Variants in GRTP1 observed in about 807,000 individuals in gnomAD.
GRTP1 encodes growth hormone regulated TBC protein 1, also known as growth hormone-regulated TBC protein 1.
Under a neutral mutation model 38.1 loss-of-function variants are expected in GRTP1, and 56 were observed. That is an observed-to-expected ratio of 1.47 (90% CI 1.19 to 1.84). The LOEUF (loss-of-function observed/expected upper bound fraction) is 1.84, where lower values mean the gene tolerates loss of function less well. Among genes scored for constraint, GRTP1 ranks in the 40% most tolerant of loss-of-function variants. The pLI is 0.00. For missense variants in GRTP1, 506 were observed against 453.9 expected (o/e 1.11, Z -1.04); for synonymous variants, 217 against 189.5 (o/e 1.14, Z -1.19).
intron 5 of GRTP1, among the ~76,000 whole-genome samples, chr13:113,331,111 C>T (rs1003573221): frequency 3.3e-5 from 5 of 151,942 alleles, no homozygotes; most frequent in African/African-American, 1.2e-4. Context: ...CATGGGAGCC[C>T]GGGTGTGTGC....
chr13:113,363,872 T>G lies in GRTP1; in HGVS notation c.71A>C (p.Asp24Ala). Reference sequence around the variant, plus strand: ...GAAAAACTTCTCGTAGGCGGCGTCGTCGAAGTCCTCAGGCCGCTCGAATCC... The same window carrying G: ...GAAAAACTTCTCGTAGGCGGCGTCGGCGAAGTCCTCAGGCCGCTCGAATCC... ...PYGFERPEDF[D>A]DAAYEKFFSS... is the part of the protein sequence containing the mutation. The change falls in exon 2 of 8, where the codon GAC becomes GCC. Residue 24 changes from aspartate to alanine, a missense_variant. Transcript: ENST00000375431. The G allele has an allele frequency of 7.4e-6, 12 of 1,611,606 alleles. No homozygotes were observed. Among genetic ancestry groups the G allele is most frequent in the Non-Finnish European group, 1.0e-5 (12 of 1,179,504 alleles).
intron 5 of GRTP1, among the ~76,000 whole-genome samples, chr13:113,340,314 A>G (rs541585927): frequency 2.6e-4 from 39 of 151,714 alleles, no homozygotes; most frequent in African/African-American, 8.7e-4. Context: ...TGTCTCTACA[A>G]ATAAAAAAAA....
At chr13:113,363,289 C>G (rs1248805919) in intron 2 of GRTP1, among the ~76,000 whole-genome samples, 1 of 152,210 alleles carries the variant, frequency 6.6e-6, no homozygotes, top group African/African-American at 2.4e-5. Context: ...CTCACTGCAA[C>G]CTCCGCCTAC....
intron 4 of GRTP1, 65 bp from the exon 5 acceptor site, chr13:113,345,024 C>A (rs770163002): frequency 3.3e-6 from 5 of 1,532,498 alleles, no homozygotes; most frequent in Non-Finnish European, 4.4e-6. Context: ...ATTCTGCAAT[C>A]ATTCGGCTAC....
intron 5 of GRTP1, among the ~76,000 whole-genome samples, chr13:113,329,067 G>A (rs1254354681): frequency 6.6e-6 from 1 of 152,260 alleles, no homozygotes; most frequent in African/African-American, 2.4e-5. Context: ...CCCCCGATCC[G>A]GGTGCTCTCC....
chr13:113,331,174 C>T (rs1157391743), intron 5 of GRTP1, among the ~76,000 whole-genome samples: 3 of 152,122 alleles, frequency 2.0e-5, no homozygotes, highest in Non-Finnish European at 2.9e-5. Context: ...GGAAACCGGT[C>T]GCAGCTCTCC....
At position 113,324,277 on chromosome 13, in the gene GRTP1, T is replaced by G; in HGVS notation, c.*211A>C. On this transcript the variant is annotated 3_prime_UTR_variant, in exon 8 of 8. Coordinates refer to ENST00000375431, the MANE Select transcript of GRTP1 (RefSeq NM_024719.4). ...ATTGATCTCTCAGGTAAAAATAAGT[T>G]TTCTTTAAAAAGTATGACTTCATAG... The G allele has an allele frequency of 3.2e-6, 2 of 628,246 alleles. No individual in the cohort carries two copies. The highest frequency in any genetic ancestry group is 2.4e-6 in the Non-Finnish European group (1 of 424,370). The allele number at this position is 628,246 out of a possible 1,614,324, so 38.9% of individuals were successfully genotyped here. A position where few individuals can be genotyped will look rare whatever the true frequency, so the allele number is the denominator to read the frequency against.
At chr13:113,352,300 A>ATTTTATATATATTTTATATATAT (rs1566437742) in intron 3 of GRTP1, among the ~76,000 whole-genome samples, 21 of 40,988 alleles carry the variant, frequency 5.1e-4, no homozygotes, top group South Asian at 2.2e-3. Flanking sequence ...ATTTATATAT[A>ATTTTATATATATTTTATATATAT]TTTTATATAT....
chr13:113,326,460 A>G (rs2042775356), intron 5 of GRTP1, among the ~76,000 whole-genome samples: 1 of 144,942 alleles, frequency 6.9e-6, no homozygotes, highest in Non-Finnish European at 1.5e-5. Flanking sequence ...ACCTAAAGTC[A>G]GGAGTTCAAG....
intron 5 of GRTP1, among the ~76,000 whole-genome samples, chr13:113,331,320 T>C (rs993919433): frequency 6.6e-6 from 1 of 152,044 alleles, no homozygotes; most frequent in Non-Finnish European, 1.5e-5. Context: ...GACCTGGGGG[T>C]TGGGGGCTCA....
intron 4 of GRTP1, 143 bp downstream of exon 4, chr13:113,350,706 C>T (rs777677134): frequency 8.3e-5 from 62 of 749,714 alleles, no homozygotes; most frequent in Admixed American, 7.7e-4. Flanking sequence ...TGGGAAATGG[C>T]GTCCGAGCCT....
At chr13:113,335,012 C>T (rs1446360096) in intron 5 of GRTP1, among the ~76,000 whole-genome samples, 6 of 151,748 alleles carry the variant, frequency 4.0e-5, no homozygotes, top group East Asian at 2.0e-4. Context: ...TTAGTAGACA[C>T]GGGGTTTCAC....
At chr13:113,333,995 T>G (rs1487917452) in intron 5 of GRTP1, among the ~76,000 whole-genome samples, 1 of 151,882 alleles carries the variant, frequency 6.6e-6, no homozygotes, top group East Asian at 1.9e-4. Flanking sequence ...CCACCATGCC[T>G]GGCTAATTTT....
At chr13:113,344,274 C>G (rs771066594) in intron 5 of GRTP1, among the ~76,000 whole-genome samples, 4 of 152,202 alleles carry the variant, frequency 2.6e-5, no homozygotes, top group Admixed American at 6.5e-5. Context: ...GGTGAGCCAA[C>G]CACACAGCCC....
chr13:113,362,191 G>A (rs569959059), intron 2 of GRTP1, among the ~76,000 whole-genome samples: 7 of 136,156 alleles, frequency 5.1e-5, no homozygotes, highest in East Asian at 2.8e-4. Context: ...TTAGCCAGGT[G>A]TAGTGGTGTG....
chr13:113,355,134 T>G, intron 3 of GRTP1, 189 bp downstream of exon 3: 1 of 588,530 alleles, frequency 1.7e-6, no homozygotes, highest in South Asian at 2.5e-5. Context: ...ATCTGCTGAG[T>G]GAATTACGAT....
At position 113,355,222 on chromosome 13, in the gene GRTP1, G is replaced by A. The variant is rs1218951965; in HGVS notation, c.340+101C>T. 4.2e-6 allele frequency: 5 copies of A among 1,184,366 alleles called. No homozygotes were observed. The East Asian group carries it at 7.3e-5, about 17-fold the overall frequency. The allele number at this position is 1,184,366 out of a possible 1,614,324, so 73.4% of individuals were successfully genotyped here. Reference sequence around the variant, plus strand: ...CGTAACTTCAAGTTAAAAGCAGCAGGCGCACCGCTCACCCCTGGACGCTGA... The same window carrying A: ...CGTAACTTCAAGTTAAAAGCAGCAGACGCACCGCTCACCCCTGGACGCTGA... On this transcript the variant is annotated intron_variant, in intron 3 of 7. Transcript: ENST00000375431.
Position 113,345,790 on chromosome 13 carries a change from G to A in GRTP1, c.466-831C>T, listed in dbSNP as rs532232287. Among the ~76,000 whole-genome samples the A allele has an allele frequency of 4.6e-5, 7 of 152,342 alleles. No individual in the cohort carries two copies. In the South Asian group the frequency reaches 6.2e-4, roughly 14 times the overall value. ...GGAGGACGGGCACGCAGCCTTACAC[G>A]TCCCTTGGCCTGGACCTCCCCTTAA... On this transcript the variant is annotated intron_variant, in intron 4 of 7. Coordinates refer to ENST00000375431, the MANE Select transcript of GRTP1 (RefSeq NM_024719.4).
chr13:113,350,751 G>C (rs574952643), intron 4 of GRTP1, 98 bp downstream of exon 4: 42 of 1,169,464 alleles, frequency 3.6e-5, no homozygotes, highest in African/African-American at 1.3e-4. Context: ...TCATGAACAG[G>C]GTTGACAGAG....
Sources: allele counts gnomAD v4.1 joint callset (sites outside exome capture counted in the v4.1 genomes callset), GRCh38; gene constraint gnomAD v4.1.1; transcripts MANE v1.5; gene names NCBI Gene and HGNC (gene_info 2026-07-23, HGNC 2026-07-21).